Variants in XKR9 observed in about 807,000 individuals in gnomAD.
XKR9 encodes the protein XK-related protein 9.
In XKR9, 32 loss-of-function variants were observed where a neutral mutation model predicts 32.0. The observed-to-expected ratio is 1.00, with a 90% confidence interval of 0.76 to 1.34. The LOEUF (loss-of-function observed/expected upper bound fraction) is 1.34, where lower values mean the gene tolerates loss of function less well. XKR9 is among the 40% of genes most tolerant of loss of function. The pLI is 0.00. For synonymous variants in XKR9, 168 were observed against 143.4 expected, an observed-to-expected ratio of 1.17 and a Z score of -1.22; for missense variants, 546 against 429.7, an observed-to-expected ratio of 1.27 and a Z score of -2.39.
At chr8:71,032,298 A>T in the XKR9 span, among the ~76,000 whole-genome samples, 2,420 of 151,056 alleles carry the variant, frequency 0.016, 83 homozygotes, top group African/African-American at 0.052. Context: ...AAAAAAAAAA[A>T]AAAAAAAAAA....
the XKR9 span, among the ~76,000 whole-genome samples, chr8:71,025,261 A>T: frequency 2.0e-5 from 3 of 152,284 alleles, no homozygotes; most frequent in East Asian, 5.8e-4. Context: ...TCTCAGATAG[A>T]TAAGAGCTAT....
At chr8:70,851,012 C>G in the XKR9 span, among the ~76,000 whole-genome samples, 1 of 152,044 alleles carries the variant, frequency 6.6e-6, no homozygotes, top group Non-Finnish European at 1.5e-5. Context: ...GCAGATGACC[C>G]AATTGTATAT....
chr8:70,688,667 C>T (rs1563423707), intron 3 of XKR9, among the ~76,000 whole-genome samples: 2 of 150,940 alleles, frequency 1.3e-5, no homozygotes, highest in Admixed American at 6.6e-5. Flanking sequence ...CCGCCCGCCT[C>T]GGCCTCCCAA....
At chr8:70,817,909 T>A in the XKR9 span, among the ~76,000 whole-genome samples, 5 of 152,322 alleles carry the variant, frequency 3.3e-5, no homozygotes, top group East Asian at 9.6e-4. Flanking sequence ...TGGCTAGCCA[T>A]ATGCAGAAGA....
chr8:70,861,517 G>A, the XKR9 span, among the ~76,000 whole-genome samples: 47 of 151,864 alleles, frequency 3.1e-4, no homozygotes, highest in African/African-American at 1.1e-3. Context: ...CAGTGTAGTA[G>A]TGTGCACCTG....
chr8:71,007,946 AC>A, the XKR9 span, among the ~76,000 whole-genome samples: 1 of 151,934 alleles, frequency 6.6e-6, no homozygotes, highest in African/African-American at 2.4e-5. Flanking sequence ...GGGCAAAAAA[AC>A]ATTTATTTAG....
At chr8:70,758,847 C>G (rs1563470996) in intron 2 of XKR9, among the ~76,000 whole-genome samples, 1 of 152,194 alleles carries the variant, frequency 6.6e-6, no homozygotes, top group Non-Finnish European at 1.5e-5. Flanking sequence ...AACAGCAAAG[C>G]TCTCCTTATA....
chr8:70,696,630 T>A (rs1179876506), intron 3 of XKR9, among the ~76,000 whole-genome samples: 2 of 146,100 alleles, frequency 1.4e-5, no homozygotes, highest in Non-Finnish European at 3.0e-5. Context: ...GCCTCCAGCT[T>A]TGTTCTTTTG....
chr8:70,736,249 G>A (rs1806859612), downstream of XKR9, among the ~76,000 whole-genome samples: 2 of 152,122 alleles, frequency 1.3e-5, no homozygotes, highest in Non-Finnish European at 1.5e-5. Context: ...TTTTTTGGTT[G>A]CATAAATAAA....
the XKR9 span, among the ~76,000 whole-genome samples, chr8:70,947,669 C>T: frequency 1.3e-5 from 2 of 152,148 alleles, no homozygotes; most frequent in African/African-American, 4.8e-5. Context: ...TTGTTTTTTA[C>T]CTAGGCTCAC....
the XKR9 span, among the ~76,000 whole-genome samples, chr8:70,797,797 A>C: frequency 6.6e-6 from 1 of 152,064 alleles, no homozygotes; most frequent in African/African-American, 2.4e-5. Context: ...AAGTGAGAAT[A>C]TGTGGTATTT....
the XKR9 span, among the ~76,000 whole-genome samples, chr8:70,870,520 G>T: frequency 1.3e-5 from 2 of 152,192 alleles, no homozygotes; most frequent in Non-Finnish European, 2.9e-5. Flanking sequence ...GGAATGTTAG[G>T]CACTGATATG....
At chr8:70,960,575 G>A in the XKR9 span, among the ~76,000 whole-genome samples, 4 of 152,052 alleles carry the variant, frequency 2.6e-5, no homozygotes, top group Non-Finnish European at 4.4e-5. Flanking sequence ...TATATAGGAT[G>A]TTGTCAAAAA....
intron 4 of XKR9, among the ~76,000 whole-genome samples, chr8:70,710,708 A>G (rs1805885856): frequency 1.7e-5 from 1 of 57,384 alleles, no homozygotes; most frequent in South Asian, 3.2e-4. Context: ...CATCTCAAAC[A>G]ACAACAACAA....
the XKR9 span, among the ~76,000 whole-genome samples, chr8:71,061,630 T>TAGAC: frequency 6.6e-6 from 1 of 152,120 alleles, no homozygotes; most frequent in African/African-American, 2.4e-5. Flanking sequence ...GTGTTTTCAT[T>TAGAC]AGACAGACAG....
At chr8:71,016,071 G>A in the XKR9 span, among the ~76,000 whole-genome samples, 7 of 149,016 alleles carry the variant, frequency 4.7e-5, no homozygotes, top group South Asian at 1.3e-3. Flanking sequence ...TTTCCCCCCC[G>A]GTATTACTCT....
At chr8:70,934,372 G>T in the XKR9 span, among the ~76,000 whole-genome samples, 1 of 151,984 alleles carries the variant, frequency 6.6e-6, no homozygotes, top group Non-Finnish European at 1.5e-5. Context: ...AGAAATTTGG[G>T]CAGCTTAGCA....
chr8:70,965,828 AT>A, the XKR9 span, among the ~76,000 whole-genome samples: 4 of 151,254 alleles, frequency 2.6e-5, no homozygotes, highest in Admixed American at 2.6e-4. Context: ...TGTCTATTTG[AT>A]TCTTCTCTCT....
chr8:70,715,977 G>A (rs917645215), intron 4 of XKR9, among the ~76,000 whole-genome samples: 1 of 151,856 alleles, frequency 6.6e-6, no homozygotes, highest in Non-Finnish European at 1.5e-5. Flanking sequence ...AAACATGAGA[G>A]TAAACCAAGA....
Sources: allele counts gnomAD v4.1 joint callset (sites outside exome capture counted in the v4.1 genomes callset), GRCh38; gene constraint gnomAD v4.1.1; transcripts MANE v1.5; gene names NCBI Gene and HGNC (gene_info 2026-07-23, HGNC 2026-07-21).